Variants in ARMH3 observed in about 807,000 individuals in gnomAD.
The protein encoded by ARMH3 is armadillo-like helical domain-containing protein 3.
Under a neutral mutation model 99.1 loss-of-function variants are expected in ARMH3, and 60 were observed. The ratio of observed to expected loss-of-function variants is 0.61; its 90% CI spans 0.49 to 0.75. The LOEUF is 0.75. Ranked by LOEUF, ARMH3 falls within the 30% of genes least tolerant of loss-of-function variation. ARMH3 has a pLI of 0.00. For missense variants in ARMH3, 679 were observed against 843.1 expected (o/e 0.81, Z 2.41); for synonymous variants, 285 against 292.8 (o/e 0.97, Z 0.27).
chr10:102,048,875 T>A (rs1302001282), intron 1 of ARMH3, among the ~76,000 whole-genome samples: 8 of 152,172 alleles, frequency 5.3e-5, no homozygotes, highest in Non-Finnish European at 1.2e-4. Context: ...TCCCTAAGCC[T>A]CTCTGCAGGA....
chr10:101,962,206 T>A (rs1845327079), intron 20 of ARMH3, among the ~76,000 whole-genome samples: 1 of 152,224 alleles, frequency 6.6e-6, no homozygotes, highest in African/African-American at 2.4e-5. Context: ...AAGGGCAAGC[T>A]TGGTAGTTGA....
At chr10:102,033,665 G>A (rs181953336) in intron 2 of ARMH3, among the ~76,000 whole-genome samples, 3 of 152,090 alleles carry the variant, frequency 2.0e-5, no homozygotes, top group African/African-American at 7.2e-5. Flanking sequence ...TGATCCGCCC[G>A]CCTCAGACTC....
chr10:101,950,041 C>T (rs948441201), intron 22 of ARMH3, among the ~76,000 whole-genome samples: 3 of 152,142 alleles, frequency 2.0e-5, no homozygotes, highest in African/African-American at 7.2e-5. Context: ...CTACAGCTAA[C>T]ATCACACTTA....
At chr10:101,915,800 CTTTTTTTTTTTTTTTTT>C (rs781162716) in intron 23 of ARMH3, among the ~76,000 whole-genome samples, 1 of 130,860 alleles carries the variant, frequency 7.6e-6, no homozygotes, top group Non-Finnish European at 1.6e-5. Context: ...ATTGCAAGTC[CTTTTTTTTTTTTTTTTT>C]TTTTGAGACG....
intron 8 of ARMH3, among the ~76,000 whole-genome samples, chr10:102,019,161 G>C (rs1253245362): frequency 6.6e-6 from 1 of 152,014 alleles, no homozygotes; most frequent in East Asian, 1.9e-4. Flanking sequence ...CAACTCTCGT[G>C]CATCAGCCTC....
chr10:101,954,833 T>C (rs913899090), intron 22 of ARMH3, among the ~76,000 whole-genome samples: 17 of 152,240 alleles, frequency 1.1e-4, no homozygotes, highest in African/African-American at 3.1e-4. Flanking sequence ...ACATTTTTAC[T>C]CCCTTGGCAG....
chr10:102,030,417 T>C (rs2067100020), intron 4 of ARMH3, among the ~76,000 whole-genome samples: 1 of 152,216 alleles, frequency 6.6e-6, no homozygotes, highest in South Asian at 2.1e-4. Context: ...TTATTTAAAA[T>C]TAATTTTGGG....
At chr10:102,044,208 C>T (rs561804358) in intron 1 of ARMH3, among the ~76,000 whole-genome samples, 19 of 151,778 alleles carry the variant, frequency 1.3e-4, no homozygotes, top group African/African-American at 4.6e-4. Context: ...ATTCTCCTGC[C>T]TCAGCCTCCC....
At chr10:101,858,473 G>A (rs2066784789) in intron 24 of ARMH3, among the ~76,000 whole-genome samples, 1 of 152,184 alleles carries the variant, frequency 6.6e-6, no homozygotes, top group South Asian at 2.1e-4. Context: ...CTTAAGAAGT[G>A]TAGCTATTAC....
At position 102,013,392 on chromosome 10, in the gene ARMH3, A is replaced by G. The variant is rs577822347; in HGVS notation, c.727-516T>C. On this transcript the variant is annotated intron_variant, in intron 9 of 25. Transcript: ENST00000370033. ...TGATGCATAACACAAAGATCAATTA[A>G]GGCCACAGCATGAATCACGTGTGCA... is the stretch of plus-strand genomic sequence containing the variant. Among the ~76,000 whole-genome samples the G allele has an allele frequency of 2.6e-5, 4 of 152,362 alleles. No homozygotes were observed. The South Asian group carries it at 8.3e-4, about 32-fold the overall frequency.
At chr10:102,040,986 G>A (rs1198599380) in intron 1 of ARMH3, among the ~76,000 whole-genome samples, 6 of 150,718 alleles carry the variant, frequency 4.0e-5, no homozygotes, top group Non-Finnish European at 2.9e-5. Flanking sequence ...AGAGACCCAA[G>A]GCAGAAAATA....
chr10:102,011,651 C>A, intron 11 of ARMH3, 72 bp downstream of exon 11: 2 of 1,287,892 alleles, frequency 1.6e-6, no homozygotes, highest in South Asian at 1.4e-5. Flanking sequence ...AACTTCGGAG[C>A]CCGATTTGTC....
chr10:101,937,494 G>C (rs1056622932), intron 23 of ARMH3, among the ~76,000 whole-genome samples: 15 of 151,408 alleles, frequency 9.9e-5, no homozygotes, highest in Admixed American at 9.2e-4. Context: ...ACTCCAGCCT[G>C]GGCGACAGAG....
intron 1 of ARMH3, among the ~76,000 whole-genome samples, chr10:102,045,527 A>T (rs998677810): frequency 6.6e-6 from 1 of 152,208 alleles, no homozygotes; most frequent in Non-Finnish European, 1.5e-5. Context: ...AAGTGCAAAG[A>T]CCTCAAGATT....
intron 22 of ARMH3, among the ~76,000 whole-genome samples, chr10:101,945,317 C>T (rs1353106566): frequency 1.3e-5 from 2 of 152,176 alleles, no homozygotes; most frequent in African/African-American, 2.4e-5. Flanking sequence ...CGCAGTGCCT[C>T]GTGCCTGCCA....
chr10:101,887,131 G>A (rs908586353), intron 24 of ARMH3, among the ~76,000 whole-genome samples: 1 of 152,138 alleles, frequency 6.6e-6, no homozygotes, highest in East Asian at 1.9e-4. Flanking sequence ...TGATAGTGCT[G>A]AGAATAAACC....
At chr10:102,037,252 G>A (rs1468040704) in intron 2 of ARMH3, among the ~76,000 whole-genome samples, 2 of 146,674 alleles carry the variant, frequency 1.4e-5, no homozygotes, top group African/African-American at 2.5e-5. Flanking sequence ...CAAGATCTCA[G>A]CTCACTGCAA....
intron 19 of ARMH3, among the ~76,000 whole-genome samples, chr10:101,982,021 C>CAAAAAAAAAA (rs71016356): frequency 5.6e-4 from 33 of 58,982 alleles, no homozygotes; most frequent in Non-Finnish European, 8.2e-4. Flanking sequence ...GACTCTATCT[C>CAAAAAAAAAA]AAAAAAAAAA....
At chr10:101,987,366 C>G (rs902526192) in intron 19 of ARMH3, among the ~76,000 whole-genome samples, 3 of 152,184 alleles carry the variant, frequency 2.0e-5, no homozygotes, top group African/African-American at 4.8e-5. Flanking sequence ...TGACTCAGGT[C>G]AAATGCAACC....
Sources: gnomAD v4.1 joint callset for allele counts (sites outside exome capture counted in the v4.1 genomes callset) on GRCh38, gnomAD v4.1.1 for gene constraint, MANE v1.5 for transcripts, NCBI Gene and HGNC (gene_info 2026-07-23, HGNC 2026-07-21) for gene names.